Variants in SKAP1 observed in about 807,000 individuals in gnomAD.
SKAP1 encodes src kinase associated phosphoprotein 1, also known as src kinase-associated phosphoprotein 1.
A neutral mutation model predicts 58.5 loss-of-function variants in SKAP1; 44 were observed. The ratio of observed to expected loss-of-function variants is 0.75; its 90% CI spans 0.59 to 0.97. The LOEUF (loss-of-function observed/expected upper bound fraction) is 0.97. Ranked by LOEUF, SKAP1 falls within the 50% of genes least tolerant of loss-of-function variation. The pLI, the probability that SKAP1 is intolerant of heterozygous loss-of-function variation, is 0.00. For missense variants in SKAP1, 390 were observed against 435.2 expected (o/e 0.90, Z 0.92); for synonymous variants, 127 against 149.7 (o/e 0.85, Z 1.11).
chr17:48,422,511 G>A (rs1212432346), intron 1 of SKAP1, among the ~76,000 whole-genome samples: 1 of 152,014 alleles, frequency 6.6e-6, no homozygotes, highest in East Asian at 1.9e-4. Context: ...CTACAGATAG[G>A]TACCATTATT....
At chr17:48,429,901 G>A (rs915503240) in intron 1 of SKAP1, among the ~76,000 whole-genome samples, 174 bp downstream of exon 1, 1 of 152,148 alleles carries the variant, frequency 6.6e-6, no homozygotes, top group East Asian at 1.9e-4. Flanking sequence ...AGTGAAAGGG[G>A]CCCTGAGGTG....
chr17:48,157,031 C>T (rs756325703), intron 11 of SKAP1, among the ~76,000 whole-genome samples: 1 of 152,200 alleles, frequency 6.6e-6, no homozygotes, highest in Non-Finnish European at 1.5e-5. Context: ...ACATGCCAGG[C>T]ACTTCCTTAC....
At chr17:48,284,979 G>A (rs1379657636) in intron 4 of SKAP1, among the ~76,000 whole-genome samples, 1 of 152,116 alleles carries the variant, frequency 6.6e-6, no homozygotes, top group Non-Finnish European at 1.5e-5. Context: ...AAGACATTGA[G>A]GTATGGATTT....
At position 48,199,986 on chromosome 17, in the gene SKAP1, G is replaced by C. The variant is rs557852012; in HGVS notation, c.281-10486C>G. On this transcript the variant is annotated intron_variant, in intron 4 of 12. Transcript: ENST00000336915. ...CATGGCAATTGTCTAGGTAAGAAGA[G>C]TAAGAATTAGATTGAGGAGGAAGGC... Among the ~76,000 whole-genome samples, 29 of 152,148 alleles carry C rather than the reference G, an allele frequency of 1.9e-4. No individual in the cohort carries two copies. In the East Asian group the frequency reaches 5.6e-3, roughly 30 times the overall value.
At chr17:48,265,750 T>C (rs2065539594) in intron 4 of SKAP1, among the ~76,000 whole-genome samples, 1 of 151,630 alleles carries the variant, frequency 6.6e-6, no homozygotes, top group African/African-American at 2.4e-5. Flanking sequence ...TCTCTTTCCC[T>C]CCCCCCATGA....
At chr17:48,266,857 A>G (rs1208043148) in intron 4 of SKAP1, among the ~76,000 whole-genome samples, 2 of 152,072 alleles carry the variant, frequency 1.3e-5, no homozygotes, top group Non-Finnish European at 2.9e-5. Flanking sequence ...GAAATTTAAA[A>G]ATGATATTTC....
intron 1 of SKAP1, among the ~76,000 whole-genome samples, chr17:48,421,146 T>C (rs1011119457): frequency 6.6e-6 from 1 of 152,160 alleles, no homozygotes; most frequent in Non-Finnish European, 1.5e-5. Flanking sequence ...AGGCAGTCCA[T>C]CTAACACTAG....
intron 4 of SKAP1, among the ~76,000 whole-genome samples, chr17:48,251,303 T>C (rs1036960089): frequency 2.0e-5 from 3 of 152,224 alleles, no homozygotes; most frequent in African/African-American, 7.2e-5. Flanking sequence ...TAAAGACTGT[T>C]GGTTAAAACC....
intron 4 of SKAP1, among the ~76,000 whole-genome samples, chr17:48,327,182 T>A (rs1434215908): frequency 6.6e-6 from 1 of 152,170 alleles, no homozygotes; most frequent in Non-Finnish European, 1.5e-5. Context: ...TGAGCCACCG[T>A]GCCCAGCATA....
chr17:48,326,222 G>T (rs1453235778), intron 4 of SKAP1, among the ~76,000 whole-genome samples: 1 of 152,192 alleles, frequency 6.6e-6, no homozygotes, highest in Non-Finnish European at 1.5e-5. Flanking sequence ...CTCTTTGCCA[G>T]AACTGTCTCC....
chr17:48,137,165 A>G (rs2093290203), intron 12 of SKAP1, 64 bp downstream of exon 12: 1 of 1,007,728 alleles, frequency 9.9e-7, no homozygotes, highest in Admixed American at 2.0e-5. Flanking sequence ...TTTCAGAGAA[A>G]CAAAGTAGTG....
At chr17:48,276,609 T>C (rs564962968) in intron 4 of SKAP1, among the ~76,000 whole-genome samples, 2 of 152,210 alleles carry the variant, frequency 1.3e-5, no homozygotes, top group Admixed American at 6.5e-5. Flanking sequence ...CTTAATTTCT[T>C]TTGTTCCATA....
intron 4 of SKAP1, chr17:48,196,786 C>A (rs1160005879): frequency 6.6e-6 from 1 of 152,238 alleles, no homozygotes; most frequent in Non-Finnish European, 1.5e-5. Context: ...AAAGTGAGCA[C>A]TCGGTTACTT....
chr17:48,134,026 A>G (rs923400971), intron 12 of SKAP1, among the ~76,000 whole-genome samples: 20 of 151,786 alleles, frequency 1.3e-4, no homozygotes, highest in African/African-American at 4.9e-4. Context: ...TTTTTTATAC[A>G]AATGGGGCAA....
At chr17:48,248,667 C>A (rs1439120419) in intron 4 of SKAP1, among the ~76,000 whole-genome samples, 1 of 151,940 alleles carries the variant, frequency 6.6e-6, no homozygotes, top group Admixed American at 6.6e-5. Flanking sequence ...ACAGCAATAC[C>A]ATAGTAATAT....
At chr17:48,151,227 C>T (rs1307084151) in intron 11 of SKAP1, among the ~76,000 whole-genome samples, 1 of 152,004 alleles carries the variant, frequency 6.6e-6, no homozygotes, top group African/African-American at 2.4e-5. Flanking sequence ...TGACAGCTAC[C>T]CCAGGACATA....
intron 1 of SKAP1, among the ~76,000 whole-genome samples, chr17:48,417,161 T>C (rs1170839028): frequency 6.6e-6 from 1 of 152,236 alleles, no homozygotes; most frequent in Non-Finnish European, 1.5e-5. Flanking sequence ...TTGTCAGCAT[T>C]ACAATAGAAA....
intron 4 of SKAP1, among the ~76,000 whole-genome samples, chr17:48,286,808 G>C (rs930234003): frequency 2.0e-5 from 3 of 152,142 alleles, no homozygotes; most frequent in Non-Finnish European, 4.4e-5. Flanking sequence ...TAATCATCTA[G>C]ATAATTTTCG....
At chr17:48,137,170 G>A in intron 12 of SKAP1, 59 bp downstream of exon 12, 1 of 1,037,894 alleles carries the variant, frequency 9.6e-7, no homozygotes, top group Non-Finnish European at 1.5e-6. Context: ...GAGAAACAAA[G>A]TAGTGGCCCA....
Sources: gnomAD v4.1 joint callset for allele counts (sites outside exome capture counted in the v4.1 genomes callset) on GRCh38, gnomAD v4.1.1 for gene constraint, MANE v1.5 for transcripts, NCBI Gene and HGNC (gene_info 2026-07-23, HGNC 2026-07-21) for gene names.